The following DLG5 variants were observed in gnomAD, a reference collection of about 807,000 sequenced individuals.
DLG5 encodes discs large MAGUK scaffold protein 5.
DLG5 carries 48 observed loss-of-function variants against 189.8 expected under a neutral mutation model. That is an observed-to-expected ratio of 0.25 (90% CI 0.20 to 0.32). DLG5 has a LOEUF of 0.32. Ranked by LOEUF, DLG5 falls within the 10% of genes least tolerant of loss-of-function variation. DLG5 has a pLI of 1.00. For synonymous variants in DLG5, 1,016 were observed against 1,054.1 expected (o/e 0.96, Z 0.70); for missense variants, 2,160 against 2,544.7 (o/e 0.85, Z 3.25).
Position 77,926,083 on chromosome 10 carries a change from A to T in DLG5, c.304+134T>A. On this transcript the variant is annotated intron_variant, in intron 1 of 31. Coordinates refer to ENST00000372391, the MANE Select transcript of DLG5 (RefSeq NM_004747.4). The surrounding 1 kb of genome is among the most constrained non-coding windows in gnomAD (Gnocchi z 5.2). ...GGGATCCGCGCACCGCCGCCTCCCC[A>T]ACTGGGCCAGAGGAGCGAGTCCACC... is the stretch of plus-strand genomic sequence containing the variant. 1.0e-6 allele frequency: 1 copy of T among 976,146 alleles called. No homozygotes were observed. Among genetic ancestry groups the T allele is most frequent in the East Asian group, 3.3e-5 (1 of 30,332 alleles). The allele number at this position is 976,146 out of a possible 1,614,324, so 60.5% of individuals were successfully genotyped here. A position where few individuals can be genotyped will look rare whatever the true frequency, so the allele number is the denominator to read the frequency against.
upstream of DLG5, among the ~76,000 whole-genome samples, chr10:77,931,360 C>T (rs1035052886): frequency 6.6e-6 from 1 of 152,074 alleles, no homozygotes; most frequent in Non-Finnish European, 1.5e-5. Context: ...GTGATCCTCC[C>T]ACCTCAGCCT....
At position 77,796,196 on chromosome 10, in the gene DLG5, GCA is replaced by G. The variant is rs1840912187; in HGVS notation, c.5309-10_5309-9del. On this transcript the variant is annotated splice_polypyrimidine_tract_variant and intron_variant, in intron 28 of 31. Coordinates refer to ENST00000372391, the MANE Select transcript of DLG5 (RefSeq NM_004747.4). This position sits in a 1 kb window ranked among gnomAD's most constrained non-coding sequence, Gnocchi z 5.2. ...GGGAGGCCTTCATCACCTCTGCAAT[GCA>G]CAGACACAGGAATCAGGGAGCCCCA... 1 of 1,614,036 alleles carries G rather than the reference GCA, an allele frequency of 6.2e-7. No individual in the cohort carries two copies. The highest frequency in any genetic ancestry group is 8.5e-7 in the Non-Finnish European group (1 of 1,180,024).
At chr10:77,911,549 G>C (rs1037923516) in intron 1 of DLG5, among the ~76,000 whole-genome samples, 1 of 152,134 alleles carries the variant, frequency 6.6e-6, no homozygotes, top group East Asian at 1.9e-4. Flanking sequence ...ATAGCAGATT[G>C]GCAATGGTCA....
intron 1 of DLG5, among the ~76,000 whole-genome samples, chr10:77,890,583 G>A (rs1175462164): frequency 2.0e-5 from 3 of 152,176 alleles, no homozygotes; most frequent in African/African-American, 7.2e-5. Flanking sequence ...TTGGGAGGCC[G>A]AGGCATGCAG....
chr10:77,816,738 C>T (rs759736774), intron 19 of DLG5, 37 bp from the exon 20 acceptor site: 2 of 1,572,318 alleles, frequency 1.3e-6, no homozygotes, highest in South Asian at 2.4e-5. Context: ...TGTGAACTCC[C>T]ATCTCACTTC....
At chr10:77,818,924 A>G (rs1842195914) in intron 17 of DLG5, among the ~76,000 whole-genome samples, 1 of 152,204 alleles carries the variant, frequency 6.6e-6, no homozygotes, top group African/African-American at 2.4e-5. Flanking sequence ...TATCTGTCAA[A>G]TGAATGAATA....
intron 2 of DLG5, among the ~76,000 whole-genome samples, chr10:77,860,151 GA>G (rs1844415580): frequency 1.3e-5 from 2 of 152,230 alleles, no homozygotes; most frequent in African/African-American, 4.8e-5. Flanking sequence ...GTGATAAACT[GA>G]GGCCCAGCAA....
Position 77,811,208 on chromosome 10 carries a change from T to G in DLG5, c.4349A>C (p.His1450Pro). Residue 1450 changes from histidine (H) to proline (P), a missense_variant, in exon 23 of 32, where the codon CAC becomes CCC. Physicochemically the swap from His to Pro is moderately conservative, Grantham distance 77. This residue lies in a region of DLG5 where 574 missense variants were observed against 644.2 expected (regional missense o/e 0.89). Transcript: ENST00000372391. The stretch of plus-strand genomic sequence containing the variant: ...GGTGCCACTGCCCTGGAGAGTGGAG[T>G]GGGTACCGGCAGGGTCCAGGTGTGA... ...SSSHLDPAGT[H>P]STLQGSGTTT... The G allele has an allele frequency of 1.2e-6, 2 of 1,611,578 alleles. No homozygotes were observed. Among genetic ancestry groups the G allele is most frequent in the Non-Finnish European group, 1.7e-6 (2 of 1,179,514 alleles).
intron 27 of DLG5, among the ~76,000 whole-genome samples, chr10:77,797,655 C>G (rs973692548): frequency 1.3e-5 from 2 of 152,178 alleles, no homozygotes; most frequent in Non-Finnish European, 2.9e-5. Context: ...CACAAGATGA[C>G]TGCAGGCTTG....
At chr10:77,912,991 C>T (rs1158875460) in intron 1 of DLG5, among the ~76,000 whole-genome samples, 1 of 152,188 alleles carries the variant, frequency 6.6e-6, no homozygotes, top group African/African-American at 2.4e-5. Flanking sequence ...AAGCTCCAAG[C>T]CCATACTCCC....
Position 77,792,327 on chromosome 10 carries a change from CT to C in DLG5, c.*112del. The C allele has an allele frequency of 1.8e-6, 2 of 1,099,422 alleles. No individual in the cohort carries two copies. The highest frequency in any genetic ancestry group is 2.7e-6 in the Non-Finnish European group (2 of 730,684). 68.1% of individuals were successfully genotyped at this position (1,099,422 alleles called of 1,614,324 possible). A position where few individuals can be genotyped will look rare whatever the true frequency, so the allele number is the denominator to read the frequency against. ...TGCTTCTGGGTCCTGGTTCCGGATC[CT>C]TCCCCCGCATGTTCATAGACGGACA... On this transcript the variant is annotated 3_prime_UTR_variant, in exon 32 of 32. Coordinates refer to ENST00000372391, the MANE Select transcript of DLG5 (RefSeq NM_004747.4).
Position 77,830,870 on chromosome 10 carries a change from T to C in DLG5, c.1752A>G (p.Glu584=). 1 of 1,614,004 alleles carries C rather than the reference T, an allele frequency of 6.2e-7. No homozygotes were observed. Among genetic ancestry groups the C allele is most frequent in the Non-Finnish European group, 8.5e-7 (1 of 1,179,970 alleles). Residue 584 remains glutamate, a synonymous_variant, in exon 10 of 32, where the codon GAA becomes GAG. Coordinates refer to ENST00000372391, the MANE Select transcript of DLG5 (RefSeq NM_004747.4). ...DVSRELKELK[E]QMESQLEKEA... ...CCTTTTCCAACTGGGATTCCATCTG[T>C]TCCCTGTGAACAGAGAGAGCCACGG...
At chr10:77,903,746 T>C (rs540106205) in intron 1 of DLG5, among the ~76,000 whole-genome samples, 2 of 152,270 alleles carry the variant, frequency 1.3e-5, no homozygotes, top group African/African-American at 4.8e-5. Context: ...ATTATGTATA[T>C]GGGAATATTC....
At chr10:77,852,953 C>T (rs1844053559) in intron 5 of DLG5, among the ~76,000 whole-genome samples, 1 of 152,218 alleles carries the variant, frequency 6.6e-6, no homozygotes, top group East Asian at 1.9e-4. Context: ...AGTGCCAACC[C>T]AAGCTACAAG....
Position 77,867,018 on chromosome 10 carries a change from T to A in DLG5, c.373+2111A>T, listed in dbSNP as rs535376364. ...GACCCATCCTGCTCCAAGAAACACA[T>A]CAGAGCACTGCACTCTGCCTGCCTG... is the stretch of plus-strand genomic sequence containing the variant. On this transcript the variant is annotated intron_variant, in intron 2 of 31. Transcript: ENST00000372391. The A allele has an allele frequency of 7.4e-4, 340 of 457,170 alleles. 1 individual carries two copies. The highest frequency in any genetic ancestry group is 6.1e-3 in the African/African-American group (307 of 50,152). 28.3% of individuals were successfully genotyped at this position (457,170 alleles called of 1,614,324 possible). A position where few individuals can be genotyped will look rare whatever the true frequency, so the allele number is the denominator to read the frequency against.
chr10:77,833,798 C>A, intron 9 of DLG5, 116 bp downstream of exon 9: 1 of 1,451,138 alleles, frequency 6.9e-7, no homozygotes, highest in South Asian at 1.3e-5. Flanking sequence ...ACAGCCAGCT[C>A]GACGCAGAAG....
Position 77,835,764 on chromosome 10 carries a change from C to A in DLG5, c.1596G>T (p.Lys532Asn). Residue 532 changes from lysine (K) to asparagine (N), a missense_variant, in exon 8 of 32, where the codon AAG becomes AAT. By Grantham distance (94) the Lys-to-Asn change is moderately conservative (BLOSUM62 0). Around this residue, in one of 5 missense-constraint regions of DLG5, gnomAD observed 664 missense variants for 838.5 expected, o/e 0.79. Transcript: ENST00000372391. ...GGATGCTGTCACGCTCTGCTACAAT[C>A]TTGTCTCGCTCCTGGAAGGCCCAGT... is the stretch of plus-strand genomic sequence containing the variant. ...RRDWAFQERD[K>N]IVAERDSIRT... is the part of the protein sequence containing the mutation. 1 of 1,613,278 alleles carries A rather than the reference C, an allele frequency of 6.2e-7. No individual in the cohort carries two copies. Among genetic ancestry groups the A allele is most frequent in the Non-Finnish European group, 8.5e-7 (1 of 1,179,890 alleles).
chr10:77,877,969 G>A (rs997699169), intron 1 of DLG5, among the ~76,000 whole-genome samples: 1 of 152,304 alleles, frequency 6.6e-6, no homozygotes, highest in South Asian at 2.1e-4. Flanking sequence ...TGCTCCAGCC[G>A]GACATCCCCC....
intron 8 of DLG5, 121 bp downstream of exon 8, chr10:77,835,617 C>T: frequency 9.2e-7 from 1 of 1,089,384 alleles, no homozygotes; most frequent in Non-Finnish European, 1.3e-6. Context: ...AAGGAGGAGC[C>T]CAGGTCCCTC....
Sources: gnomAD v4.1 joint callset for allele counts (sites outside exome capture counted in the v4.1 genomes callset) on GRCh38, gnomAD v4.1.1 for gene constraint, gnomAD v4.1.1 regional missense constraint, Gnocchi (gnomAD v3.1) non-coding constraint, MANE v1.5 for transcripts, NCBI Gene and HGNC (gene_info 2026-07-23, HGNC 2026-07-21) for gene names.